Variants in RGR observed in about 807,000 individuals in gnomAD.
The protein encoded by RGR is retinal G protein coupled receptor, also known as RPE-retinal G protein-coupled receptor.
Under a neutral mutation model 28.6 loss-of-function variants are expected in RGR, and 30 were observed. The observed-to-expected ratio is 1.05, with a 90% CI of 0.78 to 1.42. The LOEUF (loss-of-function observed/expected upper bound fraction) is 1.42. Ranked by LOEUF, RGR falls within the 40% of genes most tolerant of loss-of-function variation. The pLI is 0.00. For missense variants in RGR, 404 were observed against 375.6 expected, an observed-to-expected ratio of 1.08 and a Z score of -0.62; for synonymous variants, 180 against 156.4, an observed-to-expected ratio of 1.15 and a Z score of -1.13.
Position 84,257,964 on chromosome 10 carries a change from A to T in RGR, c.702A>T (p.Ala234=). 1 of 1,614,192 alleles carries T rather than the reference A, an allele frequency of 6.2e-7. No individual in the cohort carries two copies. The highest frequency in any genetic ancestry group is 8.5e-7 in the Non-Finnish European group (1 of 1,180,038). ...CCTATGCCATCCTGTATCTATACGC[A>T]GTCATCGCAGACGTGACTTCCATCT... The part of the protein sequence containing the change: ...WGPYAILYLY[A]VIADVTSISP... Residue 234 remains alanine, a synonymous_variant, in exon 6 of 7, where the codon GCA becomes GCT. Transcript: ENST00000652092.
chr10:84,250,116 C>T (rs556898651), intron 3 of RGR, among the ~76,000 whole-genome samples: 2 of 152,150 alleles, frequency 1.3e-5, no homozygotes, highest in South Asian at 2.1e-4. Flanking sequence ...CTCACAGCCT[C>T]GGAAGCAGAG....
chr10:84,257,223 C>A (rs1275089435), intron 5 of RGR, among the ~76,000 whole-genome samples: 1 of 152,188 alleles, frequency 6.6e-6, no homozygotes, highest in Non-Finnish European at 1.5e-5. Flanking sequence ...GCGAGTCTTG[C>A]GCCCCCTCAT....
At chr10:84,247,503 T>A (rs1842760908) in intron 1 of RGR, 88 bp from the exon 2 acceptor site, 1 of 1,448,736 alleles carries the variant, frequency 6.9e-7, no homozygotes, top group South Asian at 1.1e-5. Context: ...TCCAGGAGGT[T>A]GCTGATGTTC....
intron 6 of RGR, among the ~76,000 whole-genome samples, chr10:84,258,269 A>C (rs747472227): frequency 1.3e-5 from 2 of 151,518 alleles, no homozygotes; most frequent in Non-Finnish European, 2.9e-5. Flanking sequence ...GTAGATAAAG[A>C]CTCTGTGACC....
chr10:84,248,241 G>C lies in RGR; in HGVS notation c.236+494G>C, dbSNP rs1193221556. On this transcript the variant is annotated intron_variant, in intron 2 of 6. Transcript: ENST00000652092. ...TGGGCTCCTGGAGTGGAGGGACACC[G>C]ATGCAGTGTGGAGAGGATAAGAGGC... is the stretch of plus-strand genomic sequence containing the variant. 2.5e-6 allele frequency: 3 copies of C among 1,211,292 alleles called. 1 individual carries two copies. The South Asian group carries it at 5.0e-5, about 20-fold the overall frequency. The allele number at this position is 1,211,292 out of a possible 1,614,324, so 75.0% of individuals were successfully genotyped here.
intron 5 of RGR, among the ~76,000 whole-genome samples, chr10:84,254,923 CA>C (rs1208292895): frequency 2.6e-5 from 4 of 152,344 alleles, no homozygotes; most frequent in African/African-American, 9.6e-5. Context: ...CTGCCCCTGA[CA>C]GGTTTGGTCC....
At chr10:84,251,781 A>C (rs1348434129) in intron 3 of RGR, among the ~76,000 whole-genome samples, 1 of 152,164 alleles carries the variant, frequency 6.6e-6, no homozygotes, top group Admixed American at 6.5e-5. Context: ...TATCTCCCAA[A>C]GGCCCCACCT....
chr10:84,258,253 G>C (rs1564552455), intron 6 of RGR, among the ~76,000 whole-genome samples: 2 of 152,156 alleles, frequency 1.3e-5, no homozygotes, highest in Admixed American at 1.3e-4. Context: ...CAGCCAGCCA[G>C]ATGGTGTAGA....
intron 3 of RGR, chr10:84,250,813 A>G (rs2132881342): frequency 5.7e-6 from 1 of 175,212 alleles, no homozygotes; most frequent in African/African-American, 2.3e-5. Context: ...TATTGTGCCC[A>G]CAGAGAATTG....
chr10:84,257,968 A>T lies in RGR; in HGVS notation c.706A>T (p.Ile236Phe). 1 of 1,614,190 alleles carries T rather than the reference A, an allele frequency of 6.2e-7. No homozygotes were observed. ...TGCCATCCTGTATCTATACGCAGTC[A>T]TCGCAGACGTGACTTCCATCTCCCC... is the stretch of plus-strand genomic sequence containing the variant. ...PYAILYLYAV[I>F]ADVTSISPKL... is the part of the protein sequence containing the mutation. Residue 236 changes from isoleucine to phenylalanine, a missense_variant, in exon 6 of 7, where the codon ATC becomes TTC. By Grantham distance (21) the Ile-to-Phe change is conservative. Transcript: ENST00000652092.
At chr10:84,247,525 C>T in intron 1 of RGR, 66 bp from the exon 2 acceptor site, 3 of 1,588,236 alleles carry the variant, frequency 1.9e-6, no homozygotes, top group East Asian at 4.5e-5. Flanking sequence ...ATCCACCCCA[C>T]ACACACTGTT....
intron 5 of RGR, chr10:84,255,523 T>C (rs908456861): frequency 2.0e-5 from 3 of 152,204 alleles, no homozygotes; most frequent in Admixed American, 6.5e-5. Context: ...GTCCAAGAAA[T>C]ACAATACTTC....
Position 84,247,570 on chromosome 10 carries a change from AG to A in RGR, c.80-20del. ...GCTGGGCCTCAGCAGCCCCAATGCC[AG>A]CCCCCACCCTTCCTTTCAGCTCTCT... On this transcript the variant is annotated intron_variant, in intron 1 of 6. Transcript: ENST00000652092. The A allele has an allele frequency of 1.9e-6, 3 of 1,613,950 alleles. No individual in the cohort carries two copies. The highest frequency in any genetic ancestry group is 2.5e-6 in the Non-Finnish European group (3 of 1,179,964).
chr10:84,253,040 C>T (rs768677902), intron 4 of RGR, 30 bp downstream of exon 4: 5 of 1,608,738 alleles, frequency 3.1e-6, no homozygotes, highest in Non-Finnish European at 4.2e-6. Context: ...TTCGAGGCTC[C>T]TATCCATGGG....
intron 1 of RGR, 26 bp from the exon 2 acceptor site, chr10:84,247,565 A>C: frequency 6.2e-7 from 1 of 1,613,936 alleles, no homozygotes. Context: ...AGCAGCCCCA[A>C]TGCCAGCCCC....
chr10:84,254,225 T>C, intron 4 of RGR, 101 bp from the exon 5 acceptor site: 1 of 1,027,654 alleles, frequency 9.7e-7, no homozygotes, highest in South Asian at 1.3e-5. Context: ...GAATGGGGCA[T>C]TTCCCCACAA....
At chr10:84,245,207 G>T (rs373630839) in intron 1 of RGR, 38 bp downstream of exon 1, 1 of 1,602,586 alleles carries the variant, frequency 6.2e-7, no homozygotes, top group African/African-American at 1.3e-5. Context: ...CGGGGGCCCA[G>T]TGGGTTCTGA....
intron 1 of RGR, 112 bp downstream of exon 1, chr10:84,245,281 C>A: frequency 2.0e-6 from 2 of 1,024,054 alleles, no homozygotes; most frequent in South Asian, 1.5e-5. Context: ...AGCTGGGTGT[C>A]CGGTCCCATT....
At chr10:84,250,592 T>C (rs1480814598) in intron 3 of RGR, 1 of 648,776 alleles carries the variant, frequency 1.5e-6, no homozygotes, top group Admixed American at 2.1e-5. Context: ...TCTGCCTCAA[T>C]ATAGAACAGT....
Sources: gnomAD v4.1 joint callset for allele counts (sites outside exome capture counted in the v4.1 genomes callset) on GRCh38, gnomAD v4.1.1 for gene constraint, MANE v1.5 for transcripts, NCBI Gene and HGNC (gene_info 2026-07-23, HGNC 2026-07-21) for gene names.